Variants in ABCA12 observed in about 807,000 individuals in gnomAD.
ABCA12 encodes glucosylceramide transporter ABCA12.
A neutral mutation model predicts 293.5 loss-of-function variants in ABCA12; 156 were observed. That is an observed-to-expected ratio of 0.53 (90% CI 0.47 to 0.61). The LOEUF (loss-of-function observed/expected upper bound fraction) is 0.61, where lower values mean the gene tolerates loss of function less well. Among genes scored for constraint, ABCA12 ranks in the 20% least tolerant of loss-of-function variants. The pLI is 0.00. For synonymous variants in ABCA12, 1,063 were observed against 1,108.0 expected, an observed-to-expected ratio of 0.96 and a Z score of 0.81; for missense variants, 2,797 against 3,090.2, an observed-to-expected ratio of 0.91 and a Z score of 2.25.
At chr2:214,970,159 G>A in intron 37 of ABCA12, 114 bp downstream of exon 37, 1 of 1,081,486 alleles carries the variant, frequency 9.2e-7, no homozygotes, top group Admixed American at 2.9e-5. Context: ...ATAAAACTGA[G>A]AATTTAACCA....
chr2:215,073,338 T>A (rs1033148959), intron 2 of ABCA12, among the ~76,000 whole-genome samples: 15 of 152,154 alleles, frequency 9.9e-5, no homozygotes, highest in East Asian at 1.9e-4. Flanking sequence ...AATTTTTTTT[T>A]AAATAGACCC....
At chr2:215,115,824 C>T (rs1702674659) in intron 1 of ABCA12, among the ~76,000 whole-genome samples, 1 of 152,090 alleles carries the variant, frequency 6.6e-6, no homozygotes, top group African/African-American at 2.4e-5. Flanking sequence ...CCACAGCTAC[C>T]CAGTGAGGGA....
At chr2:215,130,483 C>T (rs78060122) in intron 1 of ABCA12, among the ~76,000 whole-genome samples, 8 of 151,836 alleles carry the variant, frequency 5.3e-5, no homozygotes, top group South Asian at 4.2e-4. Context: ...ATTTTTTGTG[C>T]GGCTATTTTA....
At chr2:215,134,364 G>GTGTATATATGTATATATGTACATATA (rs1559213726) in intron 1 of ABCA12, among the ~76,000 whole-genome samples, 1 of 114,292 alleles carries the variant, frequency 8.7e-6, no homozygotes, top group East Asian at 2.1e-4. Flanking sequence ...ATATGTATAT[G>GTGTATATATGTATATATGTACATATA]TGTATATATG....
In ABCA12 at chr2:215,037,024, G is replaced by A. The variant is rs751826071; in HGVS notation, c.914C>T (p.Thr305Ile). The change falls in exon 8 of 53, where the codon ACT (threonine) becomes ATT (isoleucine). Residue 305 changes from threonine (T) to isoleucine (I), a missense_variant. Thr to Ile is a moderately conservative substitution (Grantham distance 89). This residue lies in a region of ABCA12 where 656 missense variants were observed against 638.2 expected (regional missense o/e 1.03). Coordinates refer to ENST00000272895, the MANE Select transcript of ABCA12 (RefSeq NM_173076.3). Reference protein sequence around the residue: ...VVQKVYPRFATNEGFRTLQKS... With the variant: ...VVQKVYPRFAINEGFRTLQKS... Reference sequence around the variant, plus strand: ...CTGGAGGGTTCTGAAACCTTCGTTAGTTGCAAAACGTGGATAAACCTTCTG... The same window carrying A: ...CTGGAGGGTTCTGAAACCTTCGTTAATTGCAAAACGTGGATAAACCTTCTG... 1 of 1,613,916 alleles carries A rather than the reference G, an allele frequency of 6.2e-7. No homozygotes were observed. The highest frequency in any genetic ancestry group is 8.5e-7 in the Non-Finnish European group (1 of 1,179,864).
At chr2:214,994,503 G>A (rs755018728) in intron 23 of ABCA12, among the ~76,000 whole-genome samples, 5 of 152,196 alleles carry the variant, frequency 3.3e-5, no homozygotes, top group Admixed American at 2.0e-4. Context: ...CGTAAATACT[G>A]CCAAGAAAAG....
chr2:215,094,622 A>T (rs1455749068), intron 2 of ABCA12, among the ~76,000 whole-genome samples: 1 of 151,994 alleles, frequency 6.6e-6, no homozygotes, highest in Non-Finnish European at 1.5e-5. Context: ...TTTGCCCTGC[A>T]TTTCACTCCA....
intron 2 of ABCA12, among the ~76,000 whole-genome samples, chr2:215,077,581 C>G (rs1044013370): frequency 6.6e-6 from 1 of 152,176 alleles, no homozygotes; most frequent in Non-Finnish European, 1.5e-5. Flanking sequence ...TTACCTCTAT[C>G]TACTCTCCAC....
intron 1 of ABCA12, among the ~76,000 whole-genome samples, chr2:215,130,941 T>TG (rs913829988): frequency 1.1e-4 from 17 of 151,864 alleles, no homozygotes; most frequent in African/African-American, 3.9e-4. Flanking sequence ...TGAGGGTTTT[T>TG]TTTTTAATCA....
intron 41 of ABCA12, 71 bp downstream of exon 41, chr2:214,958,206 G>T: frequency 6.3e-7 from 1 of 1,581,152 alleles, no homozygotes; most frequent in South Asian, 1.1e-5. Context: ...AATAACTCTT[G>T]AATAGAAAAC....
At chr2:215,079,334 T>C (rs930997921) in intron 2 of ABCA12, among the ~76,000 whole-genome samples, 11 of 152,198 alleles carry the variant, frequency 7.2e-5, no homozygotes, top group African/African-American at 1.4e-4. Flanking sequence ...TCAGAAGTCA[T>C]AGCACTTTTT....
chr2:215,102,691 G>C (rs1162287006), intron 2 of ABCA12, among the ~76,000 whole-genome samples: 1 of 152,190 alleles, frequency 6.6e-6, no homozygotes, highest in African/African-American at 2.4e-5. Context: ...TCAGGCAAAA[G>C]AGATTCCAAA....
In ABCA12 at chr2:214,975,800, T is replaced by A. The variant is rs752670106; in HGVS notation, c.5366A>T (p.Gln1789Leu). The change falls in exon 34 of 53, where the codon CAG becomes CTG. Residue 1789 changes from glutamine to leucine, a missense_variant. By Grantham distance (113) the Gln-to-Leu change is moderately radical. Coordinates refer to ENST00000272895, the MANE Select transcript of ABCA12 (RefSeq NM_173076.3). ...AGAAACTTACGCATAGAAGGCTGTC[T>A]GTTCGGAGGTACCATAAAGAGAGGG... ...ISPSLYGTSEQTAFYANYHPS... is the reference protein window; with the variant it reads ...ISPSLYGTSELTAFYANYHPS... 1 of 1,613,908 alleles carries A rather than the reference T, an allele frequency of 6.2e-7. No individual in the cohort carries two copies. The highest frequency in any genetic ancestry group is 8.5e-7 in the Non-Finnish European group (1 of 1,179,970).
In ABCA12 at chr2:214,986,615, G is replaced by C. The variant is rs373888250; in HGVS notation, c.4090C>G (p.Leu1364Val). 10 of 1,614,036 alleles carry C rather than the reference G, an allele frequency of 6.2e-6. No individual in the cohort carries two copies. Among genetic ancestry groups the C allele is most frequent in the Non-Finnish European group, 8.5e-6 (10 of 1,179,978 alleles). The part of the protein sequence containing the change: ...IYGSKVAVDN[L>V]NLNFYEGHIT... ...TGCCCTTCATAAAAGTTCAGATTGA[G>C]GTTATCAACAGCAACTTTTGAGCCA... The change falls in exon 28 of 53, where the codon CTC becomes GTC. Residue 1364 changes from leucine (L) to valine (V), a missense_variant. By Grantham distance (32) the Leu-to-Val change is conservative. This residue lies in a region of ABCA12 where 2,130 missense variants were observed against 2,427.0 expected (regional missense o/e 0.88). Coordinates refer to ENST00000272895, the MANE Select transcript of ABCA12 (RefSeq NM_173076.3).
At chr2:214,949,008 A>G in intron 46 of ABCA12, 32 bp downstream of exon 46, 1 of 1,521,834 alleles carries the variant, frequency 6.6e-7, no homozygotes, top group South Asian at 1.1e-5. Context: ...AGTATGTTGT[A>G]CTCGCTAAAT....
intron 2 of ABCA12, among the ~76,000 whole-genome samples, chr2:215,093,399 C>T (rs889359741): frequency 4.6e-5 from 7 of 152,280 alleles, no homozygotes; most frequent in Non-Finnish European, 8.8e-5. Flanking sequence ...AATCCCTTCC[C>T]CACTCCCCTT....
chr2:215,080,449 G>A (rs982153507), intron 2 of ABCA12, among the ~76,000 whole-genome samples: 4 of 151,944 alleles, frequency 2.6e-5, no homozygotes, highest in Admixed American at 2.0e-4. Context: ...GTTGCAGTAA[G>A]CTGAGATTGT....
chr2:214,939,264 G>A (rs991645233), intron 50 of ABCA12, among the ~76,000 whole-genome samples: 6 of 152,168 alleles, frequency 3.9e-5, no homozygotes, highest in African/African-American at 1.4e-4. Flanking sequence ...TCAAAGATCA[G>A]ATGGTTGTAG....
chr2:215,135,445 A>C (rs1575067128), intron 1 of ABCA12, among the ~76,000 whole-genome samples: 1 of 152,160 alleles, frequency 6.6e-6, no homozygotes, highest in Admixed American at 6.5e-5. Context: ...ATTTCTAAAA[A>C]ATATTAGGCA....
Sources: allele counts gnomAD v4.1 joint callset (sites outside exome capture counted in the v4.1 genomes callset), GRCh38; gene constraint gnomAD v4.1.1; regional missense constraint gnomAD v4.1.1; transcripts MANE v1.5; gene names NCBI Gene and HGNC (gene_info 2026-07-23, HGNC 2026-07-21).